Variants in ZNF578 observed in about 807,000 individuals in gnomAD.
ZNF578 encodes Putative chemokine-related protein B42.
Under a neutral mutation model 8.3 loss-of-function variants are expected in ZNF578, and 8 were observed. The ratio of observed to expected loss-of-function variants is 0.96; its 90% CI spans 0.56 to 1.74. The LOEUF (loss-of-function observed/expected upper bound fraction) is 1.74. Among genes scored for constraint, ZNF578 ranks in the 40% most tolerant of loss-of-function variants. ZNF578 has a pLI of 0.00. For missense variants in ZNF578, 726 were observed against 707.5 expected, an observed-to-expected ratio of 1.03 and a Z score of -0.30; for synonymous variants, 206 against 232.2, an observed-to-expected ratio of 0.89 and a Z score of 1.03.
Position 52,514,128 on chromosome 19 carries a change from T to A in ZNF578, c.*1974T>A, listed in dbSNP as rs2059462770. ...TGGTTCCTCTTCAGTTCTCTATTTATTTTTTCTTTTTTGCAGATTGAGTTT... is the reference window on the plus strand; with the variant it reads ...TGGTTCCTCTTCAGTTCTCTATTTAATTTTTCTTTTTTGCAGATTGAGTTT... On this transcript the variant is annotated 3_prime_UTR_variant, in exon 6 of 6. Coordinates refer to ENST00000421239, the MANE Select transcript of ZNF578 (RefSeq NM_001099694.2). Among the ~76,000 whole-genome samples, 1 of 152,234 alleles carries A rather than the reference T, an allele frequency of 6.6e-6. No homozygotes were observed. Among genetic ancestry groups the A allele is most frequent in the African/African-American group, 2.4e-5 (1 of 41,460 alleles).
At chr19:52,481,100 C>T (rs921748119) in intron 2 of ZNF578, among the ~76,000 whole-genome samples, 1 of 152,006 alleles carries the variant, frequency 6.6e-6, no homozygotes, top group Non-Finnish European at 1.5e-5. Context: ...CAGGCATGTC[C>T]AGCAACTCAG....
intron 2 of ZNF578, chr19:52,474,874 C>A: frequency 5.0e-6 from 1 of 200,228 alleles, no homozygotes; most frequent in South Asian, 8.6e-5. Flanking sequence ...AAGAACTTGC[C>A]GCATTCATTA....
intron 2 of ZNF578, among the ~76,000 whole-genome samples, chr19:52,467,303 C>A (rs928020521): frequency 1.3e-5 from 2 of 152,116 alleles, no homozygotes; most frequent in Non-Finnish European, 2.9e-5. Flanking sequence ...GCATGAACCA[C>A]CACACCTCAA....
intron 2 of ZNF578, among the ~76,000 whole-genome samples, chr19:52,460,483 A>G: frequency 6.6e-6 from 1 of 152,102 alleles, no homozygotes; most frequent in Non-Finnish European, 1.5e-5. Flanking sequence ...TCCTTTGCCC[A>G]TTCATTAATT....
At chr19:52,477,504 G>A (rs954710472) in intron 2 of ZNF578, among the ~76,000 whole-genome samples, 9 of 151,892 alleles carry the variant, frequency 5.9e-5, no homozygotes, top group Admixed American at 2.6e-4. Context: ...GTGGGGAACC[G>A]CATTGTAAGG....
intron 2 of ZNF578, chr19:52,458,433 C>CATTAAAAAAATT (rs2059245928): frequency 8.0e-6 from 1 of 125,090 alleles, no homozygotes; most frequent in African/African-American, 3.7e-5. Context: ...AAATTTTGCC[C>CATTAAAAAAATT]TCATTAAAAA....
intron 2 of ZNF578, among the ~76,000 whole-genome samples, chr19:52,472,842 A>G (rs1007345838): frequency 6.6e-6 from 1 of 152,228 alleles, no homozygotes; most frequent in Non-Finnish European, 1.5e-5. Flanking sequence ...CCTCCCAAAT[A>G]ATTTTTTAAA....
intron 2 of ZNF578, among the ~76,000 whole-genome samples, chr19:52,479,300 C>A (rs1229381267): frequency 6.6e-6 from 1 of 151,856 alleles, no homozygotes; most frequent in Non-Finnish European, 1.5e-5. Flanking sequence ...CTTTGGGAGG[C>A]CGAGGCGGGC....
At position 52,504,670 on chromosome 19, in the gene ZNF578, A is replaced by C. The variant is rs768841050; in HGVS notation, c.79A>C (p.Arg27=). 39 of 1,613,930 alleles carry C rather than the reference A, an allele frequency of 2.4e-5. No homozygotes were observed. The East Asian group carries it at 3.1e-4, about 13-fold the overall frequency. The part of the protein sequence containing the change: ...MALPQGRLTF[R]DVAIEFSLAE... ...TTCATTTTAGGGACGCTTGACTTTC[A>C]GGGATGTGGCTATAGAATTCTCATT... Residue 27 remains arginine (R), a synonymous_variant, in exon 5 of 6, where the codon AGG becomes CGG. Coordinates refer to ENST00000421239, the MANE Select transcript of ZNF578 (RefSeq NM_001099694.2).
At chr19:52,496,032 C>A (rs1272691140) in intron 3 of ZNF578, among the ~76,000 whole-genome samples, 1 of 151,558 alleles carries the variant, frequency 6.6e-6, no homozygotes, top group East Asian at 1.9e-4. Flanking sequence ...TTTTGTTTTT[C>A]TTTTTGAGAT....
intron 2 of ZNF578, among the ~76,000 whole-genome samples, chr19:52,465,966 G>C (rs1174472225): frequency 6.6e-6 from 1 of 152,196 alleles, no homozygotes; most frequent in African/African-American, 2.4e-5. Context: ...GGTACTCAAA[G>C]TCCAATGGTG....
intron 2 of ZNF578, among the ~76,000 whole-genome samples, chr19:52,486,656 A>G (rs2059346938): frequency 6.6e-6 from 1 of 151,954 alleles, no homozygotes; most frequent in African/African-American, 2.4e-5. Context: ...GTCAAGGAGA[A>G]CAGAGGGAGA....
chr19:52,490,660 C>T (rs528056156), intron 2 of ZNF578, among the ~76,000 whole-genome samples: 3 of 147,620 alleles, frequency 2.0e-5, no homozygotes, highest in South Asian at 2.1e-4. Flanking sequence ...TTTTTTGAGA[C>T]GGAGTCTTGC....
chr19:52,511,844 G>T lies in ZNF578; in HGVS notation c.1463G>T (p.Cys488Phe). ...TGEKPYKCNE[C>F]HKTFSHRSSL... ...GAGAAACCTTACAAGTGTAATGAGT[G>T]TCACAAGACCTTCAGTCACAGGTCA... Residue 488 changes from cysteine (C) to phenylalanine (F), a missense_variant, in exon 6 of 6, where the codon TGT becomes TTT. By Grantham distance (205) the Cys-to-Phe change is radical (BLOSUM62 -2). Transcript: ENST00000421239. 3.1e-6 allele frequency: 5 copies of T among 1,613,798 alleles called. No homozygotes were observed. The highest frequency in any genetic ancestry group is 3.4e-6 in the Non-Finnish European group (4 of 1,179,930).
chr19:52,496,400 G>A (rs372940390), intron 3 of ZNF578, among the ~76,000 whole-genome samples: 5 of 143,412 alleles, frequency 3.5e-5, no homozygotes, highest in Admixed American at 1.4e-4. Flanking sequence ...CGCAATCTCG[G>A]CTCACTGCAA....
At chr19:52,482,406 G>A (rs2059329862) in intron 2 of ZNF578, among the ~76,000 whole-genome samples, 1 of 152,104 alleles carries the variant, frequency 6.6e-6, no homozygotes, top group African/African-American at 2.4e-5. Context: ...GGGAGGCCGA[G>A]GTACGTGGAT....
rs1039779467 is a variant in ZNF578, at chr19:52,513,249, C to T, written c.*1095C>T. Among the ~76,000 whole-genome samples, 3 of 151,088 alleles carry T rather than the reference C, an allele frequency of 2.0e-5. No individual in the cohort carries two copies. Among genetic ancestry groups the T allele is most frequent in the African/African-American group, 4.9e-5 (2 of 41,074 alleles). On this transcript the variant is annotated 3_prime_UTR_variant, in exon 6 of 6. Transcript: ENST00000421239. ...GTTGGTCAGGCTGGTCTCAAACTCC[C>T]GATCTCAGGTGATCCGCCCACCTCA...
chr19:52,493,938 C>T (rs1460666876), intron 3 of ZNF578, among the ~76,000 whole-genome samples: 1 of 148,876 alleles, frequency 6.7e-6, no homozygotes, highest in Non-Finnish European at 1.5e-5. Context: ...TGTGGTGAGC[C>T]GAGATCTCAC....
At position 52,513,855 on chromosome 19, in the gene ZNF578, T is replaced by C. The variant is rs542848060; in HGVS notation, c.*1701T>C. Among the ~76,000 whole-genome samples, 3 of 151,874 alleles carry C rather than the reference T, an allele frequency of 2.0e-5. No individual in the cohort carries two copies. The East Asian group carries it at 5.8e-4, about 30-fold the overall frequency. ...CCCTGGCTAACATGGTGAAACCCCA[T>C]CTCTACTAAAAATACAAAAGTTAGC... On this transcript the variant is annotated 3_prime_UTR_variant, in exon 6 of 6. Transcript: ENST00000421239.
Sources: gnomAD v4.1 joint callset for allele counts (sites outside exome capture counted in the v4.1 genomes callset) on GRCh38, gnomAD v4.1.1 for gene constraint, MANE v1.5 for transcripts, NCBI Gene and HGNC (gene_info 2026-07-23, HGNC 2026-07-21) for gene names.